UNC79: variants seen among roughly 807,000 people sequenced by gnomAD.
The protein encoded by UNC79 is unc-79 subunit of NALCN channel complex.
Under a neutral mutation model 283.1 loss-of-function variants are expected in UNC79, and 37 were observed. The ratio of observed to expected loss-of-function variants is 0.13; its 90% CI spans 0.10 to 0.17. The LOEUF (loss-of-function observed/expected upper bound fraction) is 0.17, where lower values mean the gene tolerates loss of function less well. Ranked by LOEUF, UNC79 falls within the 10% of genes least tolerant of loss-of-function variation. UNC79 has a pLI of 1.00. For synonymous variants in UNC79, 1,107 were observed against 1,200.2 expected (o/e 0.92, Z 1.61); for missense variants, 2,272 against 3,211.1 (o/e 0.71, Z 7.07).
intron 1 of UNC79, among the ~76,000 whole-genome samples, chr14:93,409,347 G>C (rs1277535661): frequency 6.6e-6 from 1 of 152,030 alleles, no homozygotes; most frequent in Non-Finnish European, 1.5e-5. Context: ...AAATAAATTT[G>C]ACAAAAGGTG....
chr14:93,613,024 G>C (rs2066419362), exon 27 of UNC79: 1 of 1,614,088 alleles, frequency 6.2e-7, no homozygotes, highest in Non-Finnish European at 8.5e-7. Flanking sequence ...CTTCATGATT[G>C]CACCTCAAAA....
intron 41 of UNC79, among the ~76,000 whole-genome samples, chr14:93,681,326 C>G (rs1445271250): frequency 6.6e-6 from 1 of 152,246 alleles, no homozygotes; most frequent in African/African-American, 2.4e-5. Context: ...AACACCAGCT[C>G]TTGGCCCTGA....
rs1329707087 is a variant in UNC79 at position 93,690,793 on chromosome 14, G to A, written c.7272+490G>A. 1 of 156,608 alleles carries A rather than the reference G, an allele frequency of 6.4e-6. No individual in the cohort carries two copies. The highest frequency in any genetic ancestry group is 2.4e-5 in the African/African-American group (1 of 41,484). The allele number at this position is 156,608 out of a possible 1,614,324, so 9.7% of individuals were successfully genotyped here. ...ACACATTGGCATGACCTACACAGGG[G>A]AACTTTGTAAATTGCAGAGACAGGT... On this transcript the variant is annotated intron_variant, in intron 45 of 48. Coordinates refer to ENST00000555664, the Ensembl canonical transcript of UNC79. This position sits in a 1 kb window ranked among gnomAD's most constrained non-coding sequence, Gnocchi z 4.3.
intron 7 of UNC79, among the ~76,000 whole-genome samples, chr14:93,521,835 C>G (rs766726452): frequency 6.8e-6 from 1 of 147,912 alleles, no homozygotes; most frequent in Non-Finnish European, 1.5e-5. Flanking sequence ...TGCTGATTGT[C>G]CTTATATCAA....
chr14:93,588,693 A>T (rs957423092), intron 22 of UNC79, among the ~76,000 whole-genome samples: 4 of 143,030 alleles, frequency 2.8e-5, no homozygotes, highest in African/African-American at 1.0e-4. Context: ...GTGAGCCGAG[A>T]TCGTGCCACT....
intron 38 of UNC79, among the ~76,000 whole-genome samples, chr14:93,658,476 A>G (rs983710860): frequency 2.0e-5 from 3 of 152,210 alleles, no homozygotes; most frequent in African/African-American, 7.2e-5. Flanking sequence ...CAGAAATTTA[A>G]CTATAGCCTG....
Position 93,528,658 on chromosome 14 carries a change from A to G in UNC79, c.1052+12A>G. The stretch of plus-strand genomic sequence containing the variant: ...GAGAGGATTGCAGGGTAGGTATAAG[A>G]GTTCTTAAAGAAAAGGAAATAGGAC... On this transcript the variant is annotated intron_variant, in intron 9 of 48. Transcript: ENST00000555664. 1 of 1,611,244 alleles carries G rather than the reference A, an allele frequency of 6.2e-7. No individual in the cohort carries two copies. Among genetic ancestry groups the G allele is most frequent in the Non-Finnish European group, 8.5e-7 (1 of 1,178,104 alleles).
At chr14:93,386,601 AT>A (rs1338565999) in intron 1 of UNC79, among the ~76,000 whole-genome samples, 1 of 151,992 alleles carries the variant, frequency 6.6e-6, no homozygotes, top group Non-Finnish European at 1.5e-5. Context: ...GGGTCCTGGC[AT>A]TTTCTTTGAT....
intron 1 of UNC79, among the ~76,000 whole-genome samples, chr14:93,401,611 C>A (rs1438190638): frequency 6.6e-6 from 1 of 152,194 alleles, no homozygotes; most frequent in Non-Finnish European, 1.5e-5. Flanking sequence ...CCCACTCCAC[C>A]TCAAGAAAAG....
intron 1 of UNC79, among the ~76,000 whole-genome samples, chr14:93,371,839 CA>C (rs34540610): frequency 0.099 from 13,934 of 140,732 alleles, 685 homozygotes; most frequent in Middle Eastern, 0.15. Flanking sequence ...GACTCCGTCT[CA>C]AAAAAAAAAA....
downstream of UNC79, chr14:93,707,048 G>C: frequency 1.0e-6 from 1 of 984,088 alleles, no homozygotes; most frequent in Non-Finnish European, 1.4e-6. Context: ...AAAGGCCAGA[G>C]AGGGCCGAAA....
intron 14 of UNC79, 152 bp from the exon 15 acceptor site, chr14:93,571,742 C>T (rs950729037): frequency 3.1e-5 from 21 of 677,034 alleles, no homozygotes; most frequent in East Asian, 2.2e-4. Context: ...TGCCGTCTTA[C>T]GAATCAATCT....
At chr14:93,368,623 A>C (rs900767886) in intron 1 of UNC79, among the ~76,000 whole-genome samples, 2 of 152,080 alleles carry the variant, frequency 1.3e-5, no homozygotes, top group African/African-American at 4.8e-5. Context: ...GGTGCATGCC[A>C]CCACACCCAG....
At chr14:93,366,450 G>A (rs1000709535) in intron 1 of UNC79, among the ~76,000 whole-genome samples, 1 of 152,096 alleles carries the variant, frequency 6.6e-6, no homozygotes, top group Non-Finnish European at 1.5e-5. Flanking sequence ...GAAAACTCAA[G>A]TCTTGCTAAG....
At chr14:93,595,510 C>G (rs1430049363) in intron 23 of UNC79, among the ~76,000 whole-genome samples, 3 of 152,194 alleles carry the variant, frequency 2.0e-5, no homozygotes, top group African/African-American at 7.2e-5. Context: ...CAGGCAGCCT[C>G]ATTTCCTGCG....
At chr14:93,576,426 A>G (rs1439435390) in intron 17 of UNC79, among the ~76,000 whole-genome samples, 1 of 152,190 alleles carries the variant, frequency 6.6e-6, no homozygotes, top group African/African-American at 2.4e-5. Context: ...CCGATTCTAA[A>G]ATAAAAATTG....
rs962107252 is a variant in UNC79, at chr14:93,554,953, A to G, written c.1755+12257A>G. 2.6e-5 allele frequency among the ~76,000 whole-genome samples: 4 copies of G among 152,204 alleles called. 1 individual carries two copies. The highest frequency in any genetic ancestry group is 9.7e-5 in the African/African-American group (4 of 41,440). ...TACAGGTAATATGTGACTCTTTTCC[A>G]GTATAGCTAGGGAGTGTGTCTAATT... On this transcript the variant is annotated intron_variant, in intron 14 of 48. Coordinates refer to ENST00000555664, the Ensembl canonical transcript of UNC79.
chr14:93,470,368 G>A (rs1011912648), intron 2 of UNC79, among the ~76,000 whole-genome samples: 2 of 152,156 alleles, frequency 1.3e-5, no homozygotes, highest in African/African-American at 4.8e-5. Context: ...TTGTAGGAGG[G>A]GAGAGATTGT....
chr14:93,374,293 C>A (rs2054512287), intron 1 of UNC79, among the ~76,000 whole-genome samples: 1 of 152,160 alleles, frequency 6.6e-6, no homozygotes, highest in Non-Finnish European at 1.5e-5. Flanking sequence ...ATGTGGGTTG[C>A]ACCCAGCAAA....
Sources: allele counts gnomAD v4.1 joint callset (sites outside exome capture counted in the v4.1 genomes callset), GRCh38; gene constraint gnomAD v4.1.1; non-coding constraint Gnocchi (gnomAD v3.1); transcripts MANE v1.5; gene names NCBI Gene and HGNC (gene_info 2026-07-23, HGNC 2026-07-21).